The following TBX15 variants were observed in gnomAD, a reference collection of about 807,000 sequenced individuals.
The protein encoded by TBX15 is T-box transcription factor TBX15.
A neutral mutation model predicts 53.9 loss-of-function variants in TBX15; 18 were observed. That is an observed-to-expected ratio of 0.33 (90% CI 0.23 to 0.49). TBX15 has a LOEUF of 0.49. Ranked by LOEUF, TBX15 falls within the 20% of genes least tolerant of loss-of-function variation. The probability of loss-of-function intolerance (pLI) is 0.98; values close to 1 mark genes in which losing one functional copy is unlikely to be tolerated. For synonymous variants in TBX15, 295 were observed against 278.0 expected (o/e 1.06, Z -0.61); for missense variants, 692 against 749.5 (o/e 0.92, Z 0.90).
intron 6 of TBX15, among the ~76,000 whole-genome samples, chr1:118,911,854 A>G (rs1655038041): frequency 6.6e-6 from 1 of 152,188 alleles, no homozygotes; most frequent in Non-Finnish European, 1.5e-5. Flanking sequence ...CTTTTGCAAC[A>G]TTCATGGCAT....
At chr1:118,920,534 T>C (rs1243025411) in intron 5 of TBX15, among the ~76,000 whole-genome samples, 1 of 152,082 alleles carries the variant, frequency 6.6e-6, no homozygotes, top group Non-Finnish European at 1.5e-5. Flanking sequence ...AGCCTAGAAA[T>C]GTAGTTGGTC....
chr1:118,895,403 T>C (rs1004541179), intron 7 of TBX15, among the ~76,000 whole-genome samples: 39 of 152,190 alleles, frequency 2.6e-4, no homozygotes, highest in Non-Finnish European at 5.7e-4. Context: ...CTGATAAAGC[T>C]CTCGGTTTTG....
intron 5 of TBX15, among the ~76,000 whole-genome samples, chr1:118,917,085 A>T (rs1018351824): frequency 6.6e-6 from 1 of 152,170 alleles, no homozygotes; most frequent in Non-Finnish European, 1.5e-5. Flanking sequence ...ACCCAAATAA[A>T]TAGAAATCTT....
Position 118,930,704 on chromosome 1 carries a change from C to T in TBX15, c.419+915G>A, listed in dbSNP as rs1035591264. ...ATGCTGGGATCACAGGCGTGAGCCA[C>T]CGTGCCCGGCCCAAATTTAATTTTA... is the stretch of plus-strand genomic sequence containing the variant. On this transcript the variant is annotated intron_variant, in intron 2 of 7. Coordinates refer to ENST00000369429, the MANE Select transcript of TBX15 (RefSeq NM_001330677.2). Among the ~76,000 whole-genome samples the T allele has an allele frequency of 5.9e-5, 9 of 152,258 alleles. No homozygotes were observed. The South Asian group carries it at 1.7e-3, about 28-fold the overall frequency.
intron 1 of TBX15, among the ~76,000 whole-genome samples, chr1:118,942,523 G>C (rs926101399): frequency 7.9e-5 from 12 of 152,118 alleles, no homozygotes; most frequent in African/African-American, 2.9e-4. Context: ...GTAATGAGGT[G>C]TCTTAATTGC....
In TBX15 at chr1:118,936,795, G is replaced by A. The variant is rs550486637; in HGVS notation, c.206-4963C>T. ...TATCTCCATTTTATACATTATTGAT[G>A]CCAGAGTCCAGGTTACATCCATTCT... is the stretch of plus-strand genomic sequence containing the variant. On this transcript the variant is annotated intron_variant, in intron 1 of 7. Coordinates refer to ENST00000369429, the MANE Select transcript of TBX15 (RefSeq NM_001330677.2). Among the ~76,000 whole-genome samples, 63 of 152,246 alleles carry A rather than the reference G, an allele frequency of 4.1e-4. 1 individual carries two copies. The South Asian group carries it at 0.013, about 31-fold the overall frequency.
At chr1:118,944,387 C>T (rs1250135283) in intron 1 of TBX15, among the ~76,000 whole-genome samples, 4 of 152,206 alleles carry the variant, frequency 2.6e-5, no homozygotes, top group Non-Finnish European at 5.9e-5. Context: ...CCATTCCCGA[C>T]TCCTTGAGTC....
chr1:118,963,920 C>T (rs868514519), intron 1 of TBX15, among the ~76,000 whole-genome samples: 2 of 152,148 alleles, frequency 1.3e-5, no homozygotes, highest in African/African-American at 4.8e-5. Context: ...GCAGTGAGGA[C>T]GCCCAAGCTA....
chr1:118,918,256 T>TC (rs913908016), intron 5 of TBX15, among the ~76,000 whole-genome samples: 2 of 152,164 alleles, frequency 1.3e-5, no homozygotes, highest in African/African-American at 4.8e-5. Flanking sequence ...TAAATGTAAC[T>TC]CCCCCCGGAC....
At chr1:118,916,562 C>T (rs1386753633) in intron 5 of TBX15, among the ~76,000 whole-genome samples, 1 of 152,034 alleles carries the variant, frequency 6.6e-6, no homozygotes, top group Non-Finnish European at 1.5e-5. Context: ...TCAGAAATGG[C>T]GATTATTAAA....
chr1:118,921,351 A>C (rs765936695), intron 5 of TBX15, among the ~76,000 whole-genome samples: 9 of 152,238 alleles, frequency 5.9e-5, no homozygotes, highest in African/African-American at 9.6e-5. Context: ...CAATTTTCAG[A>C]CATGAACATT....
At chr1:118,899,279 T>A (rs1259867681) in intron 6 of TBX15, 154 bp from the exon 7 acceptor site, 1 of 730,244 alleles carries the variant, frequency 1.4e-6, no homozygotes, top group Non-Finnish European at 2.4e-6. Context: ...AAACTCAAGG[T>A]ACAATGATGC....
rs1172800874 is a variant in TBX15, at chr1:118,988,234, C to CTTGTT, written c.-440_-439insAACAA. ...CTTCCTCTCTGCCTTCCCGTCCTCC[C>CTTGTT]TGTGATCCAAACTTCTGGGAAACTT... On this transcript the variant is annotated 5_prime_UTR_variant, in exon 1 of 8. Transcript: ENST00000369429. 1 of 164,044 alleles carries CTTGTT rather than the reference C, an allele frequency of 6.1e-6. No individual in the cohort carries two copies. The highest frequency in any genetic ancestry group is 1.3e-5 in the Non-Finnish European group (1 of 76,500). 10.2% of individuals were successfully genotyped at this position (164,044 alleles called of 1,614,324 possible).
chr1:118,987,368 C>T (rs1449128378), intron 1 of TBX15, among the ~76,000 whole-genome samples: 1 of 152,270 alleles, frequency 6.6e-6, no homozygotes, highest in Non-Finnish European at 1.5e-5. Context: ...AAACAGGACT[C>T]CTTGCTTAGG....
At chr1:118,941,577 T>C (rs1482707529) in intron 1 of TBX15, among the ~76,000 whole-genome samples, 4 of 152,066 alleles carry the variant, frequency 2.6e-5, no homozygotes, top group Non-Finnish European at 4.4e-5. Flanking sequence ...TGTAACAACC[T>C]CTCCAGTAAT....
intron 1 of TBX15, among the ~76,000 whole-genome samples, chr1:118,942,039 T>G (rs1474669748): frequency 6.6e-6 from 1 of 152,220 alleles, no homozygotes; most frequent in African/African-American, 2.4e-5. Flanking sequence ...ATACGAATGC[T>G]AATTTTCAGA....
At position 118,987,644 on chromosome 1, in the gene TBX15, C is replaced by A. The variant is rs559706400; in HGVS notation, c.152G>T (p.Gly51Val). The A allele has an allele frequency of 4.8e-5, 74 of 1,550,086 alleles. No individual in the cohort carries two copies. In the African/African-American group the frequency reaches 8.5e-4, roughly 18 times the overall value. The change falls in exon 1 of 8, where the codon GGC (glycine) becomes GTC (valine). Residue 51 changes from glycine to valine, a missense_variant. Gly to Val is a moderately radical substitution (Grantham distance 109). Transcript: ENST00000369429. ...DLSMEALSPA[G>V]PLGDTEDAAA... is the part of the protein sequence containing the mutation. ...CGCGTCCTCCGTGTCTCCGAGTGGGCCCGCGGGGCTCAGCGCCTCCATAGA... is the reference window on the plus strand; with the variant it reads ...CGCGTCCTCCGTGTCTCCGAGTGGGACCGCGGGGCTCAGCGCCTCCATAGA...
intron 1 of TBX15, among the ~76,000 whole-genome samples, chr1:118,932,277 T>C (rs1002388173): frequency 6.6e-5 from 10 of 152,226 alleles, no homozygotes; most frequent in Admixed American, 2.0e-4. Flanking sequence ...CATTATGTTC[T>C]TCAATTCCAT....
In TBX15 at chr1:118,895,555, A is replaced by T. The variant is rs561185070; in HGVS notation, c.1024+3473T>A. ...CTTATTTCCTTTTCCTTCTATGTTT[A>T]TATTTCCTCAGTCACTTTCTCCAAG... On this transcript the variant is annotated intron_variant, in intron 7 of 7. Coordinates refer to ENST00000369429, the MANE Select transcript of TBX15 (RefSeq NM_001330677.2). 2.6e-5 allele frequency among the ~76,000 whole-genome samples: 4 copies of T among 152,248 alleles called. No homozygotes were observed. In the South Asian group the frequency reaches 6.2e-4, roughly 24 times the overall value.
Sources: gnomAD v4.1 joint callset for allele counts (sites outside exome capture counted in the v4.1 genomes callset) on GRCh38, gnomAD v4.1.1 for gene constraint, MANE v1.5 for transcripts, NCBI Gene and HGNC (gene_info 2026-07-23, HGNC 2026-07-21) for gene names.